The following PIK3R3 variants were observed in gnomAD, a reference collection of about 807,000 sequenced individuals.
PIK3R3 encodes the protein phosphatidylinositol 3-kinase regulatory subunit gamma.
Under a neutral mutation model 62.9 loss-of-function variants are expected in PIK3R3, and 64 were observed. That is an observed-to-expected ratio of 1.02 (90% CI 0.83 to 1.25). PIK3R3 has a LOEUF of 1.25. PIK3R3 is among the 50% of genes most tolerant of loss of function. The pLI, the probability that PIK3R3 is intolerant of heterozygous loss-of-function variation, is 0.00. For missense variants in PIK3R3, 614 were observed against 561.6 expected (o/e 1.09, Z -0.94); for synonymous variants, 165 against 189.0 (o/e 0.87, Z 1.04).
chr1:46,080,245 A>G (rs976517307), intron 2 of PIK3R3, among the ~76,000 whole-genome samples: 1 of 150,778 alleles, frequency 6.6e-6, no homozygotes, highest in African/African-American at 2.4e-5. Flanking sequence ...GTATTTTAGT[A>G]GAGACAGGGT....
intron 1 of PIK3R3, among the ~76,000 whole-genome samples, chr1:46,119,701 C>T (rs576749407): frequency 1.3e-5 from 2 of 151,628 alleles, no homozygotes. Flanking sequence ...AACTCTTGGT[C>T]TCAAGCAAAA....
intron 1 of PIK3R3, among the ~76,000 whole-genome samples, chr1:46,086,735 TGGAAAG>T (rs1651094368): frequency 1.3e-5 from 2 of 152,200 alleles, no homozygotes; most frequent in East Asian, 3.9e-4. Flanking sequence ...CACTGTACTC[TGGAAAG>T]GCCAGGAACT....
intron 7 of PIK3R3, among the ~76,000 whole-genome samples, chr1:46,052,048 G>C (rs980791364): frequency 4.6e-5 from 7 of 152,154 alleles, no homozygotes; most frequent in African/African-American, 1.7e-4. Context: ...TGAGGCAGGA[G>C]AATGGCGTGA....
In PIK3R3 at chr1:46,041,898, C is replaced by G. The variant is rs1647003940; in HGVS notation, c.*1775G>C. 4.6e-6 allele frequency: 1 copy of G among 215,526 alleles called. No homozygotes were observed. The highest frequency in any genetic ancestry group is 9.4e-6 in the Non-Finnish European group (1 of 106,788). The allele number at this position is 215,526 out of a possible 1,614,324, so 13.4% of individuals were successfully genotyped here. A position where few individuals can be genotyped will look rare whatever the true frequency, so the allele number is the denominator to read the frequency against. ...TGGAGGTTTTTCCAAAATTAAAAAT[C>G]TGTGTCTACATCATGGTCCATATTT... is the stretch of plus-strand genomic sequence containing the variant. On this transcript the variant is annotated 3_prime_UTR_variant, in exon 10 of 10. Transcript: ENST00000262741.
chr1:46,093,131 C>T (rs1356899249), intron 1 of PIK3R3, among the ~76,000 whole-genome samples: 1 of 152,096 alleles, frequency 6.6e-6, no homozygotes, highest in Non-Finnish European at 1.5e-5. Flanking sequence ...TATGTAGAAC[C>T]AAAAACGGCA....
chr1:46,122,906 C>G (rs555619454), intron 1 of PIK3R3, among the ~76,000 whole-genome samples: 4 of 151,952 alleles, frequency 2.6e-5, no homozygotes, highest in Admixed American at 2.0e-4. Flanking sequence ...TAACAAAATA[C>G]TTGGGCACTG....
Position 46,046,009 on chromosome 1 carries a change from C to G in PIK3R3, c.1096G>C (p.Val366Leu), listed in dbSNP as rs759600356. The G allele has an allele frequency of 1.2e-6, 2 of 1,611,144 alleles. No individual in the cohort carries two copies. The highest frequency in any genetic ancestry group is 1.7e-6 in the Non-Finnish European group (2 of 1,177,588). Residue 366 changes from valine to leucine, a missense_variant, in exon 9 of 10, where the codon GTA (valine) becomes CTA (leucine). Physicochemically the swap from Val to Leu is conservative, Grantham distance 32. Coordinates refer to ENST00000262741, the MANE Select transcript of PIK3R3 (RefSeq NM_003629.4). Reference sequence around the variant, plus strand: ...CCATAAAGCAAGTCCTCTGCTTGTACTCGATTGATATCCTCAACAAACCAG... The same window carrying G: ...CCATAAAGCAAGTCCTCTGCTTGTAGTCGATTGATATCCTCAACAAACCAG... ...KTWFVEDINR[V>L]QAEDLLYGKP...
intron 1 of PIK3R3, among the ~76,000 whole-genome samples, chr1:46,116,789 G>A (rs1343807312): frequency 1.3e-5 from 2 of 152,032 alleles, no homozygotes; most frequent in Non-Finnish European, 2.9e-5. Context: ...CCTACAGCAG[G>A]ATTAATATTC....
intron 6 of PIK3R3, among the ~76,000 whole-genome samples, 182 bp downstream of exon 6, chr1:46,061,747 G>A (rs1367907667): frequency 2.6e-5 from 4 of 152,210 alleles, no homozygotes; most frequent in African/African-American, 9.7e-5. Flanking sequence ...ATCCGTTTGG[G>A]AGAATGAACA....
chr1:46,048,063 G>C (rs548599196), intron 7 of PIK3R3: 78 of 152,386 alleles, frequency 5.1e-4, no homozygotes, highest in African/African-American at 1.7e-3. Context: ...TTACAGGCAT[G>C]AGCCACCGTG....
rs193054843 is a variant in PIK3R3 at position 46,117,028 on chromosome 1, G to A, written c.106+14819C>T. ...GAAAGCAAGAACTTCAGCACATAAAGTAAAATGAAACATGTATGGCATGGC... is the reference window on the plus strand; with the variant it reads ...GAAAGCAAGAACTTCAGCACATAAAATAAAATGAAACATGTATGGCATGGC... On this transcript the variant is annotated intron_variant, in intron 1 of 9. Coordinates refer to ENST00000262741, the MANE Select transcript of PIK3R3 (RefSeq NM_003629.4). Among the ~76,000 whole-genome samples, 535 of 152,270 alleles carry A rather than the reference G, an allele frequency of 3.5e-3. 6 individuals carry two copies. Among genetic ancestry groups the A allele is most frequent in the East Asian group, 0.034 (177 of 5,184 alleles).
upstream of PIK3R3, among the ~76,000 whole-genome samples, chr1:46,136,736 G>A (rs1655949123): frequency 6.6e-6 from 1 of 152,164 alleles, no homozygotes; most frequent in Non-Finnish European, 1.5e-5. Flanking sequence ...TCCTCATTTA[G>A]GTTTAGGGGT....
intron 1 of PIK3R3, among the ~76,000 whole-genome samples, chr1:46,100,360 T>C (rs769986767): frequency 8.5e-5 from 13 of 152,158 alleles, no homozygotes; most frequent in African/African-American, 3.1e-4. Flanking sequence ...AAATAACCAA[T>C]TGTTCCATTA....
intron 1 of PIK3R3, among the ~76,000 whole-genome samples, chr1:46,097,002 A>C (rs1390318731): frequency 1.3e-5 from 2 of 151,566 alleles, no homozygotes; most frequent in Non-Finnish European, 2.9e-5. Flanking sequence ...AAAAAAAAAC[A>C]GGAGGAAAAA....
chr1:46,090,394 C>T (rs112921485), intron 1 of PIK3R3, among the ~76,000 whole-genome samples: 1 of 152,058 alleles, frequency 6.6e-6, no homozygotes, highest in African/African-American at 2.4e-5. Flanking sequence ...TGCGGTGGCG[C>T]AATCTCGGCT....
At position 46,040,610 on chromosome 1, in the gene PIK3R3, G is replaced by A. The variant is rs535591565; in HGVS notation, c.*3063C>T. 17 of 222,396 alleles carry A rather than the reference G, an allele frequency of 7.6e-5. No individual in the cohort carries two copies. The highest frequency in any genetic ancestry group is 2.9e-4 in the Admixed American group (5 of 17,424). The allele number at this position is 222,396 out of a possible 1,614,324, so 13.8% of individuals were successfully genotyped here. ...TCTGAGGCCACTGAAGCCTCACAGA[G>A]GCCTACTCTGGGTTGTTAAATAGCA... is the stretch of plus-strand genomic sequence containing the variant. On this transcript the variant is annotated 3_prime_UTR_variant, in exon 10 of 10. Transcript: ENST00000262741.
chr1:46,059,051 G>A (rs185101967), intron 6 of PIK3R3, among the ~76,000 whole-genome samples: 7 of 152,316 alleles, frequency 4.6e-5, no homozygotes, highest in Non-Finnish European at 1.0e-4. Context: ...CCCCACTACT[G>A]TTCTCATTGT....
chr1:46,088,668 C>A (rs971436120), intron 1 of PIK3R3, among the ~76,000 whole-genome samples: 2 of 151,932 alleles, frequency 1.3e-5, no homozygotes, highest in African/African-American at 4.8e-5. Flanking sequence ...GAAGATCCAG[C>A]ATCAAACTAA....
chr1:46,120,410 T>C (rs1557631020), intron 1 of PIK3R3, among the ~76,000 whole-genome samples: 2 of 152,098 alleles, frequency 1.3e-5, no homozygotes, highest in African/African-American at 4.8e-5. Context: ...ACCACATCTC[T>C]ACTAAAGACA....
Sources: gnomAD v4.1 joint callset for allele counts (sites outside exome capture counted in the v4.1 genomes callset) on GRCh38, gnomAD v4.1.1 for gene constraint, MANE v1.5 for transcripts, NCBI Gene and HGNC (gene_info 2026-07-23, HGNC 2026-07-21) for gene names.